APBB2: variants seen among roughly 807,000 people sequenced by gnomAD.
The protein encoded by APBB2 is Fe65-like 1.
APBB2 carries 38 observed loss-of-function variants against 82.5 expected under a neutral mutation model. The observed-to-expected ratio is 0.46, with a 90% confidence interval of 0.36 to 0.60. The LOEUF (loss-of-function observed/expected upper bound fraction) is 0.60, where lower values mean the gene tolerates loss of function less well. Among genes scored for constraint, APBB2 ranks in the 20% least tolerant of loss-of-function variants. APBB2 has a pLI of 0.00. For synonymous variants in APBB2, 341 were observed against 368.2 expected, an observed-to-expected ratio of 0.93 and a Z score of 0.85; for missense variants, 772 against 972.3, an observed-to-expected ratio of 0.79 and a Z score of 2.74.
intron 2 of APBB2, among the ~76,000 whole-genome samples, chr4:41,125,368 T>C (rs1200006976): frequency 6.6e-6 from 1 of 152,216 alleles, no homozygotes; most frequent in Non-Finnish European, 1.5e-5. Context: ...AACACATCTA[T>C]GTGGCCCTAG....
rs1361975377 is a variant in APBB2, at chr4:40,814,726, CA to C, written c.*1365del. ...CCTTAGCAACTTCCTTTTAAAACGACAATGTCAACGAGAGTCTAAATTTGTA... is the reference window on the plus strand; with the variant it reads ...CCTTAGCAACTTCCTTTTAAAACGACATGTCAACGAGAGTCTAAATTTGTA... On this transcript the variant is annotated 3_prime_UTR_variant, in exon 18 of 18. Coordinates refer to ENST00000508593, the MANE Select transcript of APBB2 (RefSeq NM_004307.2). The C allele has an allele frequency of 3.1e-4, 47 of 152,288 alleles. No homozygotes were observed. The highest frequency in any genetic ancestry group is 1.1e-3 in the African/African-American group (44 of 41,560). 9.4% of individuals were successfully genotyped at this position (152,288 alleles called of 1,614,324 possible).
intron 4 of APBB2, among the ~76,000 whole-genome samples, chr4:41,061,096 A>C (rs1729665415): frequency 1.3e-5 from 2 of 152,172 alleles, no homozygotes; most frequent in Admixed American, 1.3e-4. Context: ...ACTATGCATG[A>C]GTTAAGTTTG....
intron 2 of APBB2, among the ~76,000 whole-genome samples, chr4:41,117,295 ATTTTTT>A (rs5857777): frequency 7.7e-6 from 1 of 129,742 alleles, no homozygotes; most frequent in Non-Finnish European, 1.6e-5. Flanking sequence ...TATTATTATT[ATTTTTT>A]TTTTTTTTTG....
At position 40,818,047 on chromosome 4, in the gene APBB2, T is replaced by C. The variant is rs116393629; in HGVS notation, c.2113-1788A>G. Among the ~76,000 whole-genome samples the C allele has an allele frequency of 5.7e-3, 874 of 152,328 alleles. 8 individuals carry two copies. The highest frequency in any genetic ancestry group is 0.02 in the African/African-American group (815 of 41,576). On this transcript the variant is annotated intron_variant, in intron 17 of 17. Transcript: ENST00000508593. ...GGGTCCCTCTCTGTTCTATTCTAAATTTTGCCAAAATGTCTTCTGTTGGGC... is the reference window on the plus strand; with the variant it reads ...GGGTCCCTCTCTGTTCTATTCTAAACTTTGCCAAAATGTCTTCTGTTGGGC...
At chr4:40,969,753 G>A (rs1795508676) in intron 6 of APBB2, among the ~76,000 whole-genome samples, 1 of 152,114 alleles carries the variant, frequency 6.6e-6, no homozygotes, top group Non-Finnish European at 1.5e-5. Flanking sequence ...TAAAGGGAGA[G>A]GACAAGAATC....
chr4:41,181,942 CAA>C (rs35142945), intron 1 of APBB2, among the ~76,000 whole-genome samples: 35,947 of 93,520 alleles, frequency 0.38, 4,585 homozygotes, highest in African/African-American at 0.47. Flanking sequence ...GAAACTGTCT[CAA>C]AAAAAAAAAA....
chr4:41,079,691 G>A (rs142655062), intron 3 of APBB2, among the ~76,000 whole-genome samples: 1 of 152,070 alleles, frequency 6.6e-6, no homozygotes, highest in Admixed American at 6.6e-5. Flanking sequence ...TGGGACTACA[G>A]GCGCAGGCCA....
chr4:40,871,441 G>A (rs554289187), intron 12 of APBB2, among the ~76,000 whole-genome samples: 13 of 152,300 alleles, frequency 8.5e-5, no homozygotes, highest in South Asian at 2.1e-4. Flanking sequence ...CACCGCACCC[G>A]GCCTCAACTC....
chr4:40,987,210 T>C (rs955718480), intron 6 of APBB2, among the ~76,000 whole-genome samples: 31 of 137,370 alleles, frequency 2.3e-4, no homozygotes, highest in African/African-American at 7.5e-4. Flanking sequence ...AACAATATGA[T>C]ACTAAGCATA....
At chr4:40,857,214 C>A in intron 12 of APBB2, 1 of 982,930 alleles carries the variant, frequency 1.0e-6, no homozygotes. Flanking sequence ...CGCGGCCGCC[C>A]ATTGGCTGCT....
In APBB2 at chr4:41,147,507, A is replaced by T. The variant is rs1253192206; in HGVS notation, c.-416-4365T>A. Among the ~76,000 whole-genome samples, 56 of 67,742 alleles carry T rather than the reference A, an allele frequency of 8.3e-4. No homozygotes were observed. In the East Asian group the frequency reaches 8.7e-3, roughly 11 times the overall value. 44.4% of individuals were successfully genotyped at this position (67,742 alleles called of 152,430 possible). A position where few individuals can be genotyped will look rare whatever the true frequency, so the allele number is the denominator to read the frequency against. On this transcript the variant is annotated intron_variant, in intron 1 of 17. Coordinates refer to ENST00000508593, the MANE Select transcript of APBB2 (RefSeq NM_004307.2). The stretch of plus-strand genomic sequence containing the variant: ...TTTTTTTTTTTTTTTTTTTTTTTTT[A>T]AATGAGGAGTTTCCCTCTTGTCTCC...
intron 1 of APBB2, among the ~76,000 whole-genome samples, chr4:41,195,919 G>A: frequency 6.6e-6 from 1 of 152,166 alleles, no homozygotes; most frequent in Admixed American, 6.5e-5. Flanking sequence ...CCAGCACTTT[G>A]GGAGGCCAAG....
In APBB2 at chr4:41,159,907, A is replaced by AAGGAGG. The variant is rs539873521; in HGVS notation, c.-416-16771_-416-16766dup. Among the ~76,000 whole-genome samples, 50 of 35,572 alleles carry AAGGAGG rather than the reference A, an allele frequency of 1.4e-3. 4 individuals carry two copies. The East Asian group carries it at 0.015, about 10-fold the overall frequency. 23.3% of individuals were successfully genotyped at this position (35,572 alleles called of 152,430 possible). A position where few individuals can be genotyped will look rare whatever the true frequency, so the allele number is the denominator to read the frequency against. The stretch of plus-strand genomic sequence containing the variant: ...AAAAAAAAAAAGGAAGAAGAAGGAG[A>AAGGAGG]AGGAGGAGGAGGAGGAGGAGGAGGA... On this transcript the variant is annotated intron_variant, in intron 1 of 17. Transcript: ENST00000508593.
intron 6 of APBB2, among the ~76,000 whole-genome samples, chr4:41,000,008 G>A (rs1302470750): frequency 1.4e-5 from 2 of 142,684 alleles, no homozygotes; most frequent in African/African-American, 5.1e-5. Context: ...GTAAAACCCC[G>A]TATTTACAAA....
chr4:40,942,983 G>A (rs963854929), intron 7 of APBB2, among the ~76,000 whole-genome samples: 2 of 152,234 alleles, frequency 1.3e-5, no homozygotes, highest in African/African-American at 2.4e-5. Context: ...GGCCTCTGCA[G>A]GCAGCCTTTA....
chr4:40,982,269 A>G (rs796896716), intron 6 of APBB2, among the ~76,000 whole-genome samples: 1,348 of 33,260 alleles, frequency 0.041, 129 homozygotes, highest in Middle Eastern at 0.08. Context: ...AAAGAAAGAA[A>G]GAAAGAAAGA....
intron 2 of APBB2, among the ~76,000 whole-genome samples, chr4:41,114,895 G>A (rs891724606): frequency 6.6e-6 from 1 of 152,136 alleles, no homozygotes; most frequent in Non-Finnish European, 1.5e-5. Context: ...TGGCCATACT[G>A]CCCAAAGTAA....
At position 40,945,085 on chromosome 4, in the gene APBB2, G is replaced by C; in HGVS notation, c.836-12C>G. 3 of 1,335,624 alleles carry C rather than the reference G, an allele frequency of 2.2e-6. No homozygotes were observed. The highest frequency in any genetic ancestry group is 2.1e-6 in the Non-Finnish European group (2 of 954,156). The allele number at this position is 1,335,624 out of a possible 1,614,324, so 82.7% of individuals were successfully genotyped here. A position where few individuals can be genotyped will look rare whatever the true frequency, so the allele number is the denominator to read the frequency against. ...ACTCCATATATCTGCTGAAAAATTG[G>C]GGGGCGGGGCGGGGGGAGAAAGAGA... On this transcript the variant is annotated splice_polypyrimidine_tract_variant and intron_variant, in intron 6 of 17. Coordinates refer to ENST00000508593, the MANE Select transcript of APBB2 (RefSeq NM_004307.2).
chr4:40,877,217 A>G lies in APBB2; in HGVS notation c.1529+13147T>C, dbSNP rs1767157347. Among the ~76,000 whole-genome samples, 4 of 152,274 alleles carry G rather than the reference A, an allele frequency of 2.6e-5. No homozygotes were observed. The South Asian group carries it at 8.3e-4, about 32-fold the overall frequency. On this transcript the variant is annotated intron_variant, in intron 12 of 17. Coordinates refer to ENST00000508593, the MANE Select transcript of APBB2 (RefSeq NM_004307.2). ...GAGTCTGTCTTGGCCAACGTGGAGT[A>G]TAACAGATTTGCCTTGGCATCCCAG... is the stretch of plus-strand genomic sequence containing the variant.
Sources: allele counts gnomAD v4.1 joint callset (sites outside exome capture counted in the v4.1 genomes callset), GRCh38; gene constraint gnomAD v4.1.1; transcripts MANE v1.5; gene names NCBI Gene and HGNC (gene_info 2026-07-23, HGNC 2026-07-21).